Variants in NBAS observed in about 807,000 individuals in gnomAD.
NBAS encodes the protein NBAS subunit of NRZ tethering complex.
A neutral mutation model predicts 302.5 loss-of-function variants in NBAS; 219 were observed. The observed-to-expected ratio is 0.72, with a 90% CI of 0.65 to 0.81. NBAS has a LOEUF of 0.81. Ranked by LOEUF, NBAS falls within the 30% of genes least tolerant of loss-of-function variation. NBAS has a pLI of 0.00. For missense variants in NBAS, 2,932 were observed against 2,841.6 expected (o/e 1.03, Z -0.72); for synonymous variants, 1,118 against 1,021.6 (o/e 1.09, Z -1.80).
At position 15,402,262 on chromosome 2, in the gene NBAS, C is replaced by T; in HGVS notation, c.2977G>A (p.Ala993Thr). The T allele has an allele frequency of 6.2e-7, 1 of 1,613,518 alleles. No individual in the cohort carries two copies. The highest frequency in any genetic ancestry group is 8.5e-7 in the Non-Finnish European group (1 of 1,179,618). The change falls in exon 26 of 52, where the codon GCA becomes ACA. Residue 993 changes from alanine to threonine, a missense_variant. Ala to Thr is a moderately conservative substitution (Grantham distance 58). Transcript: ENST00000281513. ...KIIPDQDQLM[A>T]IALECIYTCE... ...GTATAGATGCACTCTAGTGCTATTG[C>T]CATCAGTTGGTCCTGATCAGGAATA...
the NBAS span, among the ~76,000 whole-genome samples, chr2:14,856,595 CAA>C: frequency 1.3e-5 from 2 of 151,300 alleles, no homozygotes; most frequent in East Asian, 3.9e-4. Flanking sequence ...ATAAATTTAA[CAA>C]AGAGACTGAA....
At chr2:15,150,421 C>T in the NBAS span, among the ~76,000 whole-genome samples, 1 of 152,146 alleles carries the variant, frequency 6.6e-6, no homozygotes, top group Non-Finnish European at 1.5e-5. Flanking sequence ...TTGAGAACTC[C>T]ATAAGATTAA....
chr2:14,886,785 C>A, the NBAS span: 1 of 152,162 alleles, frequency 6.6e-6, no homozygotes, highest in African/African-American at 2.4e-5. Flanking sequence ...TGGTGATGAG[C>A]GCTCAGTAGA....
intron 47 of NBAS, among the ~76,000 whole-genome samples, chr2:15,223,973 C>A (rs546572497): frequency 6.6e-6 from 1 of 151,990 alleles, no homozygotes; most frequent in African/African-American, 2.4e-5. Context: ...TAATTTAGTA[C>A]GCTATTTTTA....
At chr2:14,873,019 A>G in the NBAS span, among the ~76,000 whole-genome samples, 2 of 152,210 alleles carry the variant, frequency 1.3e-5, no homozygotes, top group African/African-American at 4.8e-5. Context: ...AAAGAAAAAA[A>G]GTTCCACGTG....
At chr2:15,245,632 T>TGGATGGATGGATGGACGGACGGACGGAC (rs1558470565) in intron 44 of NBAS, among the ~76,000 whole-genome samples, 58 of 151,286 alleles carry the variant, frequency 3.8e-4, no homozygotes, top group Admixed American at 5.9e-4. Context: ...GATGGATGGA[T>TGGATGGATGGATGGACGGACGGACGGAC]GGATGGATGG....
chr2:15,386,601 T>G (rs766560875), intron 28 of NBAS, among the ~76,000 whole-genome samples: 6 of 152,122 alleles, frequency 3.9e-5, no homozygotes, highest in Non-Finnish European at 8.8e-5. Context: ...AATCCATAAC[T>G]CCAGTTCGGA....
At chr2:15,474,370 A>G (rs1351249718) in intron 14 of NBAS, 46 bp from the exon 15 acceptor site, 4 of 1,520,524 alleles carry the variant, frequency 2.6e-6, no homozygotes, top group Middle Eastern at 1.7e-4. Flanking sequence ...GGAAATAAGA[A>G]TAACTTTTTA....
chr2:15,092,345 C>G, the NBAS span, among the ~76,000 whole-genome samples: 1 of 152,136 alleles, frequency 6.6e-6, no homozygotes, highest in Non-Finnish European at 1.5e-5. Flanking sequence ...AAGAGCCCAG[C>G]ATGATAAATT....
At chr2:15,150,066 CAAA>C in the NBAS span, among the ~76,000 whole-genome samples, 11 of 64,158 alleles carry the variant, frequency 1.7e-4, no homozygotes, top group Non-Finnish European at 1.5e-4. Flanking sequence ...AACCCTGTCT[CAAA>C]AAAAAAAAAA....
In NBAS at chr2:15,281,038, TTAAC is replaced by T. The variant is rs1178781567; in HGVS notation, c.5139-3941_5139-3938del. On this transcript the variant is annotated intron_variant, in intron 42 of 51. Coordinates refer to ENST00000281513, the MANE Select transcript of NBAS (RefSeq NM_015909.4). ...GTGTCTGCAAACTGAAGAATGGAAT[TTAAC>T]TAACTTTTCAAGAACACCCAGGGAG... is the stretch of plus-strand genomic sequence containing the variant. 3.9e-5 allele frequency among the ~76,000 whole-genome samples: 6 copies of T among 152,292 alleles called. No individual in the cohort carries two copies. The East Asian group carries it at 1.2e-3, about 29-fold the overall frequency.
At chr2:15,311,946 C>G (rs979291681) in intron 38 of NBAS, among the ~76,000 whole-genome samples, 1 of 152,112 alleles carries the variant, frequency 6.6e-6, no homozygotes, top group Non-Finnish European at 1.5e-5. Context: ...CCCACTGCAC[C>G]CATTACCTTG....
intron 23 of NBAS, among the ~76,000 whole-genome samples, chr2:15,420,237 G>GA (rs1677146389): frequency 6.6e-6 from 1 of 152,142 alleles, no homozygotes; most frequent in Non-Finnish European, 1.5e-5. Context: ...AGAAGCCGAA[G>GA]AAGAATTACA....
At chr2:15,050,431 G>A in the NBAS span, among the ~76,000 whole-genome samples, 2 of 152,050 alleles carry the variant, frequency 1.3e-5, no homozygotes, top group Non-Finnish European at 2.9e-5. Context: ...TGCCTATAAT[G>A]TATATCAAAC....
chr2:15,357,313 C>T (rs1415531070), intron 32 of NBAS, among the ~76,000 whole-genome samples: 2 of 152,188 alleles, frequency 1.3e-5, no homozygotes, highest in Admixed American at 1.3e-4. Context: ...TGTCCACAAA[C>T]ACCTTATACA....
At chr2:15,510,353 T>C (rs142128915) in intron 10 of NBAS, among the ~76,000 whole-genome samples, 135 of 152,354 alleles carry the variant, frequency 8.9e-4, no homozygotes, top group African/African-American at 3.1e-3. Flanking sequence ...ATGTCACTTC[T>C]GGTCTAAGAC....
intron 31 of NBAS, among the ~76,000 whole-genome samples, chr2:15,372,832 T>C (rs1320779531): frequency 6.6e-6 from 1 of 152,232 alleles, no homozygotes; most frequent in Non-Finnish European, 1.5e-5. Flanking sequence ...AAAATCCTGC[T>C]AATTGATCAG....
the NBAS span, among the ~76,000 whole-genome samples, chr2:15,119,963 CTG>C: frequency 1.3e-5 from 2 of 152,204 alleles, no homozygotes; most frequent in African/African-American, 4.8e-5. Flanking sequence ...TGCAGGGAGT[CTG>C]TGTCTCCCAA....
the NBAS span, among the ~76,000 whole-genome samples, chr2:15,052,337 C>T: frequency 6.6e-6 from 1 of 152,162 alleles, no homozygotes; most frequent in South Asian, 2.1e-4. Flanking sequence ...TCTGGAAATA[C>T]CAGAAGACTT....
Sources: gnomAD v4.1 joint callset for allele counts (sites outside exome capture counted in the v4.1 genomes callset) on GRCh38, gnomAD v4.1.1 for gene constraint, MANE v1.5 for transcripts, NCBI Gene and HGNC (gene_info 2026-07-23, HGNC 2026-07-21) for gene names.